Variants in ZNF585A observed in about 807,000 individuals in gnomAD.
The protein encoded by ZNF585A is zinc finger protein 585A.
A neutral mutation model predicts 14.9 loss-of-function variants in ZNF585A; 9 were observed. The observed-to-expected ratio is 0.60, with a 90% confidence interval of 0.36 to 1.05. The LOEUF (loss-of-function observed/expected upper bound fraction) is 1.05. ZNF585A is among the 50% of genes least tolerant of loss of function. The pLI, the probability that ZNF585A is intolerant of heterozygous loss-of-function variation, is 0.01. For missense variants in ZNF585A, 726 were observed against 926.4 expected, an observed-to-expected ratio of 0.78 and a Z score of 2.81; for synonymous variants, 276 against 319.9, an observed-to-expected ratio of 0.86 and a Z score of 1.46.
At chr19:37,154,511 C>A (rs1317435755) in intron 4 of ZNF585A, among the ~76,000 whole-genome samples, 3 of 152,064 alleles carry the variant, frequency 2.0e-5, no homozygotes, top group Non-Finnish European at 4.4e-5. Context: ...CAAACCTCAT[C>A]AGGTAAACTA....
At chr19:37,159,749 C>T (rs562820447) in intron 2 of ZNF585A, among the ~76,000 whole-genome samples, 1 of 152,104 alleles carries the variant, frequency 6.6e-6, no homozygotes, top group African/African-American at 2.4e-5. Context: ...ACAAAACAGA[C>T]AAAATCTCCA....
At chr19:37,155,017 T>G (rs976547904) in intron 4 of ZNF585A, among the ~76,000 whole-genome samples, 2 of 138,468 alleles carry the variant, frequency 1.4e-5, no homozygotes, top group African/African-American at 2.9e-5. Context: ...TTTTTTTTTT[T>G]TGAGACGGAG....
chr19:37,168,187 TTAAA>T (rs1817988106), intron 2 of ZNF585A, among the ~76,000 whole-genome samples: 1 of 152,252 alleles, frequency 6.6e-6, no homozygotes, highest in South Asian at 2.1e-4. Flanking sequence ...GATTTTCACC[TTAAA>T]TTCCTTTTGA....
rs186498190 is a variant in ZNF585A at position 37,161,879 on chromosome 19, A to G, written c.73-5524T>C. On this transcript the variant is annotated intron_variant, in intron 2 of 4. Coordinates refer to ENST00000292841, the MANE Select transcript of ZNF585A (RefSeq NM_001288800.2). ...GCACACAGGAAGAAATTGGAGACAG[A>G]AATGTATTAAAGATACTTGTGATCA... Among the ~76,000 whole-genome samples, 206 of 152,350 alleles carry G rather than the reference A, an allele frequency of 1.4e-3. 1 individual carries two copies. The highest frequency in any genetic ancestry group is 4.8e-3 in the African/African-American group (201 of 41,590).
intron 2 of ZNF585A, among the ~76,000 whole-genome samples, chr19:37,161,268 C>G (rs749385886): frequency 3.9e-5 from 6 of 151,984 alleles, no homozygotes; most frequent in Non-Finnish European, 8.8e-5. Flanking sequence ...TCAAGAATCA[C>G]TAAAAAGAAT....
rs775776336 is a variant in ZNF585A at position 37,155,904 on chromosome 19, A to C, written c.253T>G (p.Trp85Gly). 8.1e-6 allele frequency: 13 copies of C among 1,612,476 alleles called. No homozygotes were observed. In the East Asian group the frequency reaches 2.9e-4, roughly 36 times the overall value. The change falls in exon 4 of 5, where the codon TGG becomes GGG. Residue 85 changes from tryptophan (W) to glycine (G), a missense_variant. By Grantham distance (184) the Trp-to-Gly change is radical. This residue lies in a region of ZNF585A where 483 missense variants were observed against 542.8 expected (regional missense o/e 0.89). Transcript: ENST00000292841. ...VVMLEQGKEP[W>G]ALQGERPRQS... ...CGTGGCCTCTCACCCTGCAGTGCCCATGGTTCCTTTCCTTGCTCCAACATG... is the reference window on the plus strand; with the variant it reads ...CGTGGCCTCTCACCCTGCAGTGCCCCTGGTTCCTTTCCTTGCTCCAACATG...
At chr19:37,159,171 C>A (rs1036014706) in intron 2 of ZNF585A, among the ~76,000 whole-genome samples, 1 of 149,732 alleles carries the variant, frequency 6.7e-6, no homozygotes, top group African/African-American at 2.5e-5. Context: ...ATCACTTGAA[C>A]CCAGGAGGTG....
At chr19:37,160,778 T>C (rs1972001424) in intron 2 of ZNF585A, among the ~76,000 whole-genome samples, 1 of 152,192 alleles carries the variant, frequency 6.6e-6, no homozygotes. Flanking sequence ...CTTATGACCA[T>C]TAAATTAATT....
chr19:37,156,617 C>A (rs1971935676), intron 2 of ZNF585A, among the ~76,000 whole-genome samples: 1 of 152,150 alleles, frequency 6.6e-6, no homozygotes, highest in African/African-American at 2.4e-5. Flanking sequence ...CTAAGCCATT[C>A]TTTTATCTAT....
At chr19:37,162,123 C>T (rs1972022158) in intron 2 of ZNF585A, among the ~76,000 whole-genome samples, 1 of 152,198 alleles carries the variant, frequency 6.6e-6, no homozygotes, top group Non-Finnish European at 1.5e-5. Flanking sequence ...GGGGTTTCAC[C>T]ATGTTGGCAA....
intron 2 of ZNF585A, 74 bp from the exon 3 acceptor site, chr19:37,156,429 A>G: frequency 6.5e-7 from 1 of 1,529,570 alleles, no homozygotes; most frequent in Non-Finnish European, 8.8e-7. Flanking sequence ...AGGAATATGG[A>G]ATACAGGTCT....
At chr19:37,164,317 G>A (rs1411165428) in intron 2 of ZNF585A, among the ~76,000 whole-genome samples, 2 of 151,942 alleles carry the variant, frequency 1.3e-5, no homozygotes, top group Admixed American at 6.6e-5. Context: ...GCAGGAGAAT[G>A]GCGTGGACCC....
intron 2 of ZNF585A, among the ~76,000 whole-genome samples, chr19:37,159,972 T>A (rs912796708): frequency 6.6e-6 from 1 of 152,114 alleles, no homozygotes; most frequent in Non-Finnish European, 1.5e-5. Context: ...AAATTTATAG[T>A]ACTAAAGGAT....
At chr19:37,163,204 C>G (rs1463758807) in intron 2 of ZNF585A, among the ~76,000 whole-genome samples, 1 of 151,306 alleles carries the variant, frequency 6.6e-6, no homozygotes, top group Non-Finnish European at 1.5e-5. Flanking sequence ...AAGAAATCTC[C>G]TCATTCAAAG....
intron 1 of ZNF585A, among the ~76,000 whole-genome samples, chr19:37,170,510 A>G (rs1339956770): frequency 6.6e-6 from 1 of 152,238 alleles, no homozygotes; most frequent in Non-Finnish European, 1.5e-5. Context: ...TTTGAGACGG[A>G]GTCTCGCTCT....
chr19:37,156,553 G>A (rs988291365), intron 2 of ZNF585A, among the ~76,000 whole-genome samples, 198 bp from the exon 3 acceptor site: 2 of 152,264 alleles, frequency 1.3e-5, no homozygotes, highest in East Asian at 1.9e-4. Context: ...AGTAAGAAAT[G>A]TATACCTACC....
In ZNF585A at chr19:37,145,939, T is replaced by G. The variant is rs1599743119; in HGVS notation, c.*5650A>C. Reference sequence around the variant, plus strand: ...TGATATTTGTTATAAAGTATAATTGTGTTGATTATATTTAAAACCATTAAT... The same window carrying G: ...TGATATTTGTTATAAAGTATAATTGGGTTGATTATATTTAAAACCATTAAT... On this transcript the variant is annotated 3_prime_UTR_variant, in exon 5 of 5. Transcript: ENST00000292841. 1.3e-5 allele frequency: 2 copies of G among 152,196 alleles called. No individual in the cohort carries two copies. Among genetic ancestry groups the G allele is most frequent in the South Asian group, 2.1e-4 (1 of 4,836 alleles). The allele number at this position is 152,196 out of a possible 1,614,324, so 9.4% of individuals were successfully genotyped here. A position where few individuals can be genotyped will look rare whatever the true frequency, so the allele number is the denominator to read the frequency against.
chr19:37,164,265 T>A (rs926510701), intron 2 of ZNF585A, among the ~76,000 whole-genome samples: 111 of 151,880 alleles, frequency 7.3e-4, no homozygotes, highest in African/African-American at 2.6e-3. Context: ...TAGCAGGGCG[T>A]GGTGGCGGGC....
At position 37,153,263 on chromosome 19, in the gene ZNF585A, T is replaced by G. The variant is rs764645813; in HGVS notation, c.636A>C (p.Lys212Asn). The G allele has an allele frequency of 1.9e-6, 3 of 1,614,170 alleles. No individual in the cohort carries two copies. Among genetic ancestry groups the G allele is most frequent in the Non-Finnish European group, 2.5e-6 (3 of 1,180,024 alleles). ...TCCCACACTGGCTGCATTCATAGAG[T>G]TTCTCTCCGGTATGAATTCTCTGAT... ...FRHQRIHTGE[K>N]LYECSQCGKG... The change falls in exon 5 of 5, where the codon AAA (lysine) becomes AAC (asparagine). Residue 212 changes from lysine to asparagine, a missense_variant. Transcript: ENST00000292841.
Sources: gnomAD v4.1 joint callset for allele counts (sites outside exome capture counted in the v4.1 genomes callset) on GRCh38, gnomAD v4.1.1 for gene constraint, gnomAD v4.1.1 regional missense constraint, MANE v1.5 for transcripts, NCBI Gene and HGNC (gene_info 2026-07-23, HGNC 2026-07-21) for gene names.